The following TACR1 variants were observed in gnomAD, a reference collection of about 807,000 sequenced individuals.
TACR1 encodes the protein substance-P receptor.
A neutral mutation model predicts 35.8 loss-of-function variants in TACR1; 25 were observed. The observed-to-expected ratio is 0.70, with a 90% CI of 0.51 to 0.98. The LOEUF is 0.98. TACR1 is among the 50% of genes least tolerant of loss of function. TACR1 has a pLI of 0.00. For synonymous variants in TACR1, 195 were observed against 206.7 expected (o/e 0.94, Z 0.48); for missense variants, 478 against 522.9 (o/e 0.91, Z 0.84).
At chr2:75,088,890 C>T (rs571040702) in intron 2 of TACR1, among the ~76,000 whole-genome samples, 28 of 152,298 alleles carry the variant, frequency 1.8e-4, no homozygotes, top group African/African-American at 6.3e-4. Context: ...CCCCACAGCT[C>T]ATCTGCTTTA....
At chr2:75,093,189 T>C (rs146798990) in intron 2 of TACR1, among the ~76,000 whole-genome samples, 1 of 152,318 alleles carries the variant, frequency 6.6e-6, no homozygotes, top group African/African-American at 2.4e-5. Context: ...TGTTTAATCC[T>C]GATTTTCTTC....
intron 2 of TACR1, among the ~76,000 whole-genome samples, chr2:75,090,067 C>G (rs1673278550): frequency 6.6e-6 from 1 of 152,174 alleles, no homozygotes; most frequent in African/African-American, 2.4e-5. Context: ...AACAAATATA[C>G]TCCCCACCTC....
chr2:75,057,047 T>G (rs1020383790), intron 2 of TACR1, among the ~76,000 whole-genome samples: 5 of 152,216 alleles, frequency 3.3e-5, no homozygotes, highest in African/African-American at 1.2e-4. Context: ...AAACAAAATG[T>G]GGCTTATACT....
intron 2 of TACR1, among the ~76,000 whole-genome samples, chr2:75,081,749 A>G (rs1029251846): frequency 4.6e-5 from 7 of 152,056 alleles, no homozygotes; most frequent in Admixed American, 4.6e-4. Flanking sequence ...AAGGTAAGGG[A>G]TAGAGATTTT....
intron 2 of TACR1, among the ~76,000 whole-genome samples, chr2:75,089,122 G>A (rs1462313750): frequency 2.0e-5 from 3 of 152,206 alleles, no homozygotes; most frequent in African/African-American, 7.2e-5. Flanking sequence ...AGGGCTGCAA[G>A]GCAGGTACAG....
chr2:75,151,101 A>G (rs1674659806), intron 1 of TACR1, among the ~76,000 whole-genome samples: 1 of 152,236 alleles, frequency 6.6e-6, no homozygotes, highest in East Asian at 1.9e-4. Flanking sequence ...ATTCAGTTTT[A>G]TAAGGGAAGC....
chr2:75,103,080 G>A lies in TACR1; in HGVS notation c.584+17494C>T, dbSNP rs759640585. 3.9e-4 allele frequency among the ~76,000 whole-genome samples: 59 copies of A among 152,218 alleles called. 1 individual carries two copies. The highest frequency in any genetic ancestry group is 3.7e-3 in the South Asian group (18 of 4,822). ...CAAAGAACTTTTGTTCATGTGGGTC[G>A]TATCTATCAATACTTACTATATTAG... On this transcript the variant is annotated intron_variant, in intron 2 of 4. Coordinates refer to ENST00000305249, the MANE Select transcript of TACR1 (RefSeq NM_001058.4).
intron 1 of TACR1, among the ~76,000 whole-genome samples, chr2:75,142,224 T>C (rs1334437306): frequency 2.6e-5 from 4 of 152,174 alleles, no homozygotes; most frequent in African/African-American, 4.8e-5. Context: ...AGGTGTCGGC[T>C]CACACTTTCT....
chr2:75,086,490 C>G (rs990667342), intron 2 of TACR1, among the ~76,000 whole-genome samples: 19 of 152,116 alleles, frequency 1.2e-4, no homozygotes, highest in African/African-American at 4.6e-4. Context: ...TAAATATTTA[C>G]TGACTGACTG....
intron 1 of TACR1, among the ~76,000 whole-genome samples, chr2:75,162,329 A>C (rs1271562755): frequency 6.6e-6 from 1 of 152,198 alleles, no homozygotes; most frequent in African/African-American, 2.4e-5. Flanking sequence ...ATATTTCTTT[A>C]AGCAAAATGG....
chr2:75,051,263 C>T lies in TACR1; in HGVS notation c.920G>A (p.Cys307Tyr). 1 of 1,614,188 alleles carries T rather than the reference C, an allele frequency of 6.2e-7. No individual in the cohort carries two copies. The highest frequency in any genetic ancestry group is 8.5e-7 in the Non-Finnish European group (1 of 1,180,036). Residue 307 changes from cysteine (C) to tyrosine (Y), a missense_variant, in exon 4 of 5, where the codon TGC (cysteine) becomes TAC (tyrosine). Transcript: ENST00000305249. ...TTGGGATCCTCACCTGTCATTGAGG[C>T]AGCAGTAGATGATGGGGTTGTACAT... ...STMYNPIIYC[C>Y]LNDRFRLGFK...
chr2:75,069,105 G>C (rs1482908420), intron 2 of TACR1, among the ~76,000 whole-genome samples: 1 of 152,010 alleles, frequency 6.6e-6, no homozygotes, highest in Non-Finnish European at 1.5e-5. Context: ...TATAAGAGGG[G>C]GTTCCCCTGC....
intron 1 of TACR1, among the ~76,000 whole-genome samples, chr2:75,141,651 T>C (rs1674409535): frequency 6.6e-6 from 1 of 152,220 alleles, no homozygotes; most frequent in South Asian, 2.1e-4. Context: ...AAATATTTCT[T>C]GGTCCTATAT....
intron 1 of TACR1, among the ~76,000 whole-genome samples, chr2:75,170,739 A>G (rs1233809310): frequency 6.6e-6 from 1 of 152,194 alleles, no homozygotes; most frequent in Non-Finnish European, 1.5e-5. Flanking sequence ...ATTATGTTTT[A>G]GCAAAGAGAC....
At chr2:75,113,917 C>A (rs1006709177) in intron 2 of TACR1, among the ~76,000 whole-genome samples, 1 of 152,042 alleles carries the variant, frequency 6.6e-6, no homozygotes, top group Non-Finnish European at 1.5e-5. Context: ...AAATATTCCT[C>A]TCTTACTCCC....
chr2:75,079,337 T>G (rs1673036198), intron 2 of TACR1, among the ~76,000 whole-genome samples: 1 of 152,210 alleles, frequency 6.6e-6, no homozygotes, highest in African/African-American at 2.4e-5. Context: ...TCTCTCTGTG[T>G]GTAGTCTTTC....
At chr2:75,052,589 T>C (rs1027673307) in intron 3 of TACR1, among the ~76,000 whole-genome samples, 15 of 152,172 alleles carry the variant, frequency 9.9e-5, no homozygotes, top group South Asian at 2.1e-4. Context: ...GCTCTTTATA[T>C]ACTGATTTTC....
chr2:75,111,584 A>G (rs931257151), intron 2 of TACR1, among the ~76,000 whole-genome samples: 2 of 152,040 alleles, frequency 1.3e-5, no homozygotes, highest in African/African-American at 4.8e-5. Flanking sequence ...ATCATACTGG[A>G]TAAGTAAATT....
At position 75,085,102 on chromosome 2, in the gene TACR1, T is replaced by C. The variant is rs183758904; in HGVS notation, c.585-31347A>G. Among the ~76,000 whole-genome samples, 711 of 152,294 alleles carry C rather than the reference T, an allele frequency of 4.7e-3. 6 individuals are homozygous for C. Among genetic ancestry groups the C allele is most frequent in the African/African-American group, 0.016 (659 of 41,574 alleles). ...TTCCCTCTACACACTGCTTTAAATG[T>C]GTCCCAGAGATTCTGGTATGTTGTG... is the stretch of plus-strand genomic sequence containing the variant. On this transcript the variant is annotated intron_variant, in intron 2 of 4. Transcript: ENST00000305249.
Sources: allele counts gnomAD v4.1 joint callset (sites outside exome capture counted in the v4.1 genomes callset), GRCh38; gene constraint gnomAD v4.1.1; transcripts MANE v1.5; gene names NCBI Gene and HGNC (gene_info 2026-07-23, HGNC 2026-07-21).